TRAPPC10: variants seen among roughly 807,000 people sequenced by gnomAD.
TRAPPC10 encodes trafficking protein particle complex subunit 10, also known as TRAPP 130 kDa subunit.
TRAPPC10 carries 23 observed loss-of-function variants against 125.5 expected under a neutral mutation model. The observed-to-expected ratio is 0.18, with a 90% CI of 0.13 to 0.26. The LOEUF is 0.26. TRAPPC10 is among the 10% of genes least tolerant of loss of function. TRAPPC10 has a pLI of 1.00. For synonymous variants in TRAPPC10, 509 were observed against 518.0 expected (o/e 0.98, Z 0.24); for missense variants, 1,123 against 1,308.4 (o/e 0.86, Z 2.19).
intron 15 of TRAPPC10, among the ~76,000 whole-genome samples, chr21:44,085,660 T>C (rs1353143013): frequency 6.6e-6 from 1 of 152,030 alleles, no homozygotes; most frequent in Non-Finnish European, 1.5e-5. Context: ...GGAGCTGTGA[T>C]TGCGCCACTG....
chr21:44,043,228 T>C lies in TRAPPC10; in HGVS notation c.285+5301T>C, dbSNP rs942480770. ...ATTACGCTTTTTTTTTTTTTTTTTT[T>C]TTTGGGATGGAGTCTTACCCTGTTG... On this transcript the variant is annotated intron_variant, in intron 3 of 22. Coordinates refer to ENST00000291574, the MANE Select transcript of TRAPPC10 (RefSeq NM_003274.5). Among the ~76,000 whole-genome samples, 3 of 147,560 alleles carry C rather than the reference T, an allele frequency of 2.0e-5. No individual in the cohort carries two copies. The East Asian group carries it at 5.9e-4, about 29-fold the overall frequency.
chr21:44,070,671 C>T (rs1569193203), intron 7 of TRAPPC10, among the ~76,000 whole-genome samples: 1 of 152,250 alleles, frequency 6.6e-6, no homozygotes, highest in South Asian at 2.1e-4. Flanking sequence ...GCCATGAAGC[C>T]ATGGCTGCAG....
chr21:44,032,833 C>G (rs1379078917), intron 2 of TRAPPC10, among the ~76,000 whole-genome samples: 1 of 152,224 alleles, frequency 6.6e-6, no homozygotes, highest in Non-Finnish European at 1.5e-5. Context: ...GACACGTGCT[C>G]ACTTAGACTC....
chr21:44,028,057 A>G (rs1375605371), intron 1 of TRAPPC10, among the ~76,000 whole-genome samples: 1 of 152,226 alleles, frequency 6.6e-6, no homozygotes, highest in Non-Finnish European at 1.5e-5. Context: ...TACCTGTTAC[A>G]CTAAATCACT....
chr21:44,092,468 G>A (rs1947838300), intron 19 of TRAPPC10, among the ~76,000 whole-genome samples: 1 of 152,188 alleles, frequency 6.6e-6, no homozygotes, highest in Admixed American at 6.5e-5. Flanking sequence ...TGCTTTTTCT[G>A]TTTATGGCTC....
At chr21:44,088,012 G>A (rs2038265857) in intron 17 of TRAPPC10, 84 bp downstream of exon 17, 2 of 1,215,664 alleles carry the variant, frequency 1.6e-6, no homozygotes, top group South Asian at 1.4e-5. Flanking sequence ...AGCGATGCCT[G>A]CTGTTAGCCT....
At chr21:44,078,612 G>A (rs2037449698) in intron 11 of TRAPPC10, among the ~76,000 whole-genome samples, 1 of 152,198 alleles carries the variant, frequency 6.6e-6, no homozygotes, top group Non-Finnish European at 1.5e-5. Context: ...GGTTGGAGCA[G>A]CTTTGCCGAT....
intron 8 of TRAPPC10, 36 bp from the exon 9 acceptor site, chr21:44,075,003 G>A (rs759793418): frequency 4.9e-6 from 7 of 1,434,296 alleles, no homozygotes; most frequent in East Asian, 4.6e-5. Flanking sequence ...TGACTCTTAC[G>A]GCAAATTAAT....
chr21:44,087,510 C>T lies in TRAPPC10; in HGVS notation c.2540-189C>T, dbSNP rs546714193. On this transcript the variant is annotated intron_variant, in intron 16 of 22. Transcript: ENST00000291574. The surrounding 1 kb of genome is among the most constrained non-coding windows in gnomAD (Gnocchi z 4.6). ...GATTGAGATCAATGATGGGTCTGGGCGCCTGCCTGCCGGCTTTCACACAGG... is the reference window on the plus strand; with the variant it reads ...GATTGAGATCAATGATGGGTCTGGGTGCCTGCCTGCCGGCTTTCACACAGG... Among the ~76,000 whole-genome samples the T allele has an allele frequency of 7.2e-5, 11 of 152,304 alleles. No homozygotes were observed. Among genetic ancestry groups the T allele is most frequent in the East Asian group, 1.9e-4 (1 of 5,182 alleles).
chr21:44,060,949 T>A (rs1199042165), intron 6 of TRAPPC10, among the ~76,000 whole-genome samples: 1 of 108,398 alleles, frequency 9.2e-6, no homozygotes, highest in Non-Finnish European at 1.8e-5. Context: ...CACACACACT[T>A]TTTTTTTGAG....
At chr21:44,093,391 C>G (rs532626496) in intron 19 of TRAPPC10, among the ~76,000 whole-genome samples, 14 of 151,962 alleles carry the variant, frequency 9.2e-5, no homozygotes, top group South Asian at 4.1e-4. Flanking sequence ...GGAGGTTGGG[C>G]TGCAATGAGC....
rs2037895864 is a variant in TRAPPC10, at chr21:44,083,363, A to G, written c.2238+61A>G. 3.2e-6 allele frequency: 5 copies of G among 1,560,998 alleles called. No individual in the cohort carries two copies. In the East Asian group the frequency reaches 1.1e-4, roughly 35 times the overall value. On this transcript the variant is annotated intron_variant, in intron 14 of 22. Coordinates refer to ENST00000291574, the MANE Select transcript of TRAPPC10 (RefSeq NM_003274.5). ...TGTAAAGCAGGGCCGTGGAGCTTAC[A>G]AGAACTGTCTGGAGTGTGCTGTGAA...
Position 44,089,953 on chromosome 21 carries a change from C to A in TRAPPC10, c.2870+20C>A. ...AACACGGTAACGGAGGCGTAGCGTG[C>A]GGGCCCTGGCTTCTTTCCCCAGACT... On this transcript the variant is annotated intron_variant, in intron 18 of 22. Transcript: ENST00000291574. 2 of 1,582,320 alleles carry A rather than the reference C, an allele frequency of 1.3e-6. No homozygotes were observed. Among genetic ancestry groups the A allele is most frequent in the Non-Finnish European group, 1.7e-6 (2 of 1,153,770 alleles).
At chr21:44,049,911 A>C (rs2035122575) in intron 3 of TRAPPC10, among the ~76,000 whole-genome samples, 4 of 146,424 alleles carry the variant, frequency 2.7e-5, no homozygotes, top group South Asian at 2.1e-4. Context: ...ATGGAGTCTC[A>C]CTCTGTTGCC....
chr21:44,080,481 T>G lies in TRAPPC10; in HGVS notation c.1723+354T>G, dbSNP rs565826349. Among the ~76,000 whole-genome samples, 3 of 152,268 alleles carry G rather than the reference T, an allele frequency of 2.0e-5. No individual in the cohort carries two copies. In the East Asian group the frequency reaches 5.8e-4, roughly 29 times the overall value. On this transcript the variant is annotated intron_variant, in intron 13 of 22. Coordinates refer to ENST00000291574, the MANE Select transcript of TRAPPC10 (RefSeq NM_003274.5). ...CAGGATATCACATATTACATGTGGT[T>G]GTTAGATCTCAGTTCTCTTTTAATG...
At chr21:44,077,643 G>A (rs781122748) in intron 10 of TRAPPC10, 50 bp from the exon 11 acceptor site, 3 of 1,326,332 alleles carry the variant, frequency 2.3e-6, no homozygotes, top group Non-Finnish European at 3.2e-6. Context: ...TGTAGTATTT[G>A]TCCATCATTA....
intron 11 of TRAPPC10, among the ~76,000 whole-genome samples, chr21:44,078,637 C>T (rs2037451555): frequency 6.6e-6 from 1 of 152,172 alleles, no homozygotes; most frequent in Non-Finnish European, 1.5e-5. Flanking sequence ...CACTGGTTAA[C>T]AGCAGAGTCA....
chr21:44,025,525 T>A (rs1484255925), intron 1 of TRAPPC10, among the ~76,000 whole-genome samples: 1 of 152,238 alleles, frequency 6.6e-6, no homozygotes, highest in African/African-American at 2.4e-5. Context: ...TTTAAACTCT[T>A]GAATTTTAAG....
intron 1 of TRAPPC10, among the ~76,000 whole-genome samples, chr21:44,029,105 G>GT (rs1356528789): frequency 1.3e-5 from 2 of 152,062 alleles, no homozygotes; most frequent in Middle Eastern, 3.4e-3. Context: ...TTGTTTGTTT[G>GT]TTTTTTTGAG....
Sources: gnomAD v4.1 joint callset for allele counts (sites outside exome capture counted in the v4.1 genomes callset) on GRCh38, gnomAD v4.1.1 for gene constraint, Gnocchi (gnomAD v3.1) non-coding constraint, MANE v1.5 for transcripts, NCBI Gene and HGNC (gene_info 2026-07-23, HGNC 2026-07-21) for gene names.